The following LRCH2 variants were observed in gnomAD, a reference collection of about 807,000 sequenced individuals.
LRCH2 encodes the protein leucine-rich repeat and calponin homology domain-containing protein 2.
A neutral mutation model predicts 68.9 loss-of-function variants in LRCH2; 38 were observed. That is an observed-to-expected ratio of 0.55 (90% CI 0.43 to 0.72). The LOEUF is 0.72. Among genes scored for constraint, LRCH2 ranks in the 30% least tolerant of loss-of-function variants. The probability of loss-of-function intolerance (pLI) is 0.00; values close to 1 mark genes in which losing one functional copy is unlikely to be tolerated. For missense variants in LRCH2, 528 were observed against 572.9 expected (o/e 0.92, Z 0.80); for synonymous variants, 191 against 208.1 (o/e 0.92, Z 0.71).
chrX:115,179,873 T>C (rs1556551914), intron 3 of LRCH2, 122 bp from the exon 4 acceptor site: 1 of 219,498 alleles, frequency 4.6e-6, no homozygotes, highest in East Asian at 1.1e-4. Flanking sequence ...TATCCTCTAA[T>C]GTCATTGCTC....
chrX:115,189,802 C>A (rs1469677824), intron 1 of LRCH2: 7 of 1,166,232 alleles, frequency 6.0e-6, no homozygotes, highest in Non-Finnish European at 6.9e-6. Context: ...CCCACAGCGA[C>A]CCCCCTCTCA....
chrX:115,129,105 G>A (rs782667091), intron 15 of LRCH2, among the ~76,000 whole-genome samples: 1 of 112,000 alleles, frequency 8.9e-6, no homozygotes, highest in East Asian at 2.8e-4. Flanking sequence ...TTCTAAGCAG[G>A]TAGGAAGATG....
chrX:115,179,061 CTGTTA>C (rs2072672366), intron 5 of LRCH2, among the ~76,000 whole-genome samples: 1 of 112,016 alleles, frequency 8.9e-6, no homozygotes, highest in Non-Finnish European at 1.9e-5. Flanking sequence ...TTTGTTCTTT[CTGTTA>C]TAATTCCATC....
chrX:115,173,570 AC>A (rs200605697), intron 5 of LRCH2, among the ~76,000 whole-genome samples: 1 of 111,185 alleles, frequency 9.0e-6, no homozygotes, highest in East Asian at 2.8e-4. Context: ...AAGCTATGCA[AC>A]CCCCCCAGCC....
At chrX:115,228,859 C>T (rs1288606498) in intron 1 of LRCH2, among the ~76,000 whole-genome samples, 1 of 110,931 alleles carries the variant, frequency 9.0e-6, no homozygotes, top group African/African-American at 3.3e-5. Flanking sequence ...AAGCCTTATG[C>T]CACAGTTCCA....
intron 14 of LRCH2, among the ~76,000 whole-genome samples, chrX:115,148,238 C>G (rs2072403634): frequency 8.9e-6 from 1 of 112,006 alleles, no homozygotes; most frequent in Admixed American, 9.5e-5. Context: ...TACTTTGCAT[C>G]TCTGTGCCTT....
chrX:115,179,673 T>C lies in LRCH2; in HGVS notation c.700A>G (p.Arg234Gly). 1 of 1,157,101 alleles carries C rather than the reference T, an allele frequency of 8.6e-7. No individual in the cohort carries two copies. The highest frequency in any genetic ancestry group is 1.1e-6 in the Non-Finnish European group (1 of 870,405). Residue 234 changes from arginine (R) to glycine (G), a missense_variant, in exon 4 of 21, where the codon AGA becomes GGA. Transcript: ENST00000317135. ...TCTGGCAAAACATGAAGATTATTTCTTCTTATATTTAGCTCTCTAAGTGAA... is the reference window on the plus strand; with the variant it reads ...TCTGGCAAAACATGAAGATTATTTCCTCTTATATTTAGCTCTCTAAGTGAA... ...LHSLRELNIRRNNLHVLPDEL... is the reference protein window; with the variant it reads ...LHSLRELNIRGNNLHVLPDEL...
At chrX:115,167,681 C>T (rs2072574926) in intron 6 of LRCH2, among the ~76,000 whole-genome samples, 1 of 111,357 alleles carries the variant, frequency 9.0e-6, no homozygotes, top group Non-Finnish European at 1.9e-5. Context: ...AAGTTAACGT[C>T]CCAAGGGGAA....
chrX:115,223,383 C>G (rs1172648509), intron 1 of LRCH2, among the ~76,000 whole-genome samples: 1 of 109,977 alleles, frequency 9.1e-6, no homozygotes, highest in African/African-American at 3.3e-5. Flanking sequence ...AGTAGATGAA[C>G]CAACAGAATA....
At chrX:115,144,378 C>G (rs1215393971) in intron 14 of LRCH2, among the ~76,000 whole-genome samples, 1 of 110,782 alleles carries the variant, frequency 9.0e-6, no homozygotes, top group Non-Finnish European at 1.9e-5. Context: ...TAGCCTTTCC[C>G]CTAAGATCTA....
chrX:115,135,806 C>A lies in LRCH2; in HGVS notation c.1696-5607G>T, dbSNP rs182416671. The stretch of plus-strand genomic sequence containing the variant: ...TCAGCAACCACCATCAACATCTACA[C>A]AAGACCCCCCACCAGTAAAAAGATT... On this transcript the variant is annotated intron_variant, in intron 14 of 20. Transcript: ENST00000317135. 1.9e-3 allele frequency among the ~76,000 whole-genome samples: 217 copies of A among 112,153 alleles called. 1 individual carries two copies. The highest frequency in any genetic ancestry group is 3.5e-3 in the Non-Finnish European group (186 of 53,211).
At chrX:115,229,811 C>A (rs1556577823) in intron 1 of LRCH2, among the ~76,000 whole-genome samples, 1 of 111,921 alleles carries the variant, frequency 8.9e-6, no homozygotes. Context: ...CATTTTACAA[C>A]CTGATACAAT....
rs1556551872 is a variant in LRCH2 at position 115,179,708 on chromosome X, C to T, written c.665G>A (p.Gly222Glu). The T allele has an allele frequency of 2.6e-6, 3 of 1,162,954 alleles. No individual in the cohort carries two copies. Among genetic ancestry groups the T allele is most frequent in the Non-Finnish European group, 3.4e-6 (3 of 873,045 alleles). The stretch of plus-strand genomic sequence containing the variant: ...TAGCTCTCTAAGTGAATGTAATTTT[C>T]CCATTTGTTGGGGAAGGACTTGAAT... ...NEIQVLPQQM[G>E]KLHSLRELNI... The change falls in exon 4 of 21, where the codon GGA becomes GAA. Residue 222 changes from glycine to glutamate, a missense_variant. Physicochemically the swap from Gly to Glu is moderately conservative, Grantham distance 98 (BLOSUM62 -2). Coordinates refer to ENST00000317135, the MANE Select transcript of LRCH2 (RefSeq NM_020871.4).
rs782195532 is a variant in LRCH2 at position 115,196,386 on chromosome X, C to T, written c.350-8016G>A. Among the ~76,000 whole-genome samples, 4 of 111,128 alleles carry T rather than the reference C, an allele frequency of 3.6e-5. No individual in the cohort carries two copies. The South Asian group carries it at 1.2e-3, about 32-fold the overall frequency. Reference sequence around the variant, plus strand: ...CCCAAGCATTTCACCAGGGGCATGACGACTACACTGCCTGCCCCACCCCCA... The same window carrying T: ...CCCAAGCATTTCACCAGGGGCATGATGACTACACTGCCTGCCCCACCCCCA... On this transcript the variant is annotated intron_variant, in intron 1 of 20. Transcript: ENST00000317135.
intron 3 of LRCH2, among the ~76,000 whole-genome samples, chrX:115,180,452 A>C (rs782064345): frequency 3.6e-5 from 4 of 109,781 alleles, no homozygotes; most frequent in African/African-American, 1.4e-4. Context: ...TATTATCATA[A>C]TTAAAAAAAA....
intron 20 of LRCH2, among the ~76,000 whole-genome samples, chrX:115,120,150 A>G (rs1398353544): frequency 2.0e-5 from 2 of 99,366 alleles, no homozygotes; most frequent in African/African-American, 3.7e-5. Context: ...CAATGGCAAC[A>G]AAAGCCAAAA....
chrX:115,197,893 T>C (rs945781486), intron 1 of LRCH2, among the ~76,000 whole-genome samples: 13 of 73,642 alleles, frequency 1.8e-4, no homozygotes, highest in Non-Finnish European at 3.3e-4. Context: ...ATTCCGAAAC[T>C]AAAGGATTCA....
At chrX:115,158,375 C>T (rs1390606944) in intron 11 of LRCH2, among the ~76,000 whole-genome samples, 1 of 111,721 alleles carries the variant, frequency 9.0e-6, no homozygotes, top group Non-Finnish European at 1.9e-5. Flanking sequence ...CAAAAGAATA[C>T]ATAGATTTCA....
Position 115,170,309 on chromosome X carries a change from G to A in LRCH2, c.988C>T (p.Leu330Phe), listed in dbSNP as rs371222143. Residue 330 changes from leucine (L) to phenylalanine (F), a missense_variant, in exon 6 of 21, where the codon CTC becomes TTC. Transcript: ENST00000317135. ...SLSKRMPSQP[L>F]TDSMEDFYPN... ...AGAATGTTACATTACCTGTCTGTGA[G>A]AGGCTGTGAGGGCATTCGTTTACTC... The A allele has an allele frequency of 1.1e-5, 13 of 1,172,241 alleles. No individual in the cohort carries two copies. The Middle Eastern group carries it at 9.3e-4, about 84-fold the overall frequency.
Sources: gnomAD v4.1 joint callset for allele counts (sites outside exome capture counted in the v4.1 genomes callset) on GRCh38, gnomAD v4.1.1 for gene constraint, MANE v1.5 for transcripts, NCBI Gene and HGNC (gene_info 2026-07-23, HGNC 2026-07-21) for gene names.